FAM219A: variants seen among roughly 807,000 people sequenced by gnomAD.
The protein encoded by FAM219A is family with sequence similarity 219 member A.
FAM219A carries 7 observed loss-of-function variants against 23.4 expected under a neutral mutation model. That is an observed-to-expected ratio of 0.30 (90% confidence interval 0.17 to 0.56). FAM219A has a LOEUF of 0.56. Ranked by LOEUF, FAM219A falls within the 20% of genes least tolerant of loss-of-function variation. FAM219A has a pLI of 0.92. For synonymous variants in FAM219A, 93 were observed against 99.0 expected (o/e 0.94, Z 0.36); for missense variants, 166 against 246.9 (o/e 0.67, Z 2.20).
intron 1 of FAM219A, among the ~76,000 whole-genome samples, chr9:34,419,754 G>C (rs10972105): frequency 0.13 from 19,861 of 152,182 alleles, 1,604 homozygotes; most frequent in Non-Finnish European, 0.18. Context: ...GGCCTGCACT[G>C]GTTCATAAAT....
chr9:34,406,052 C>T (rs979603461), intron 1 of FAM219A, 88 bp from the exon 2 acceptor site: 2 of 1,314,654 alleles, frequency 1.5e-6, no homozygotes, highest in East Asian at 2.4e-5. Context: ...TTCCCACCTG[C>T]CCTCTGGGCT....
intron 1 of FAM219A, among the ~76,000 whole-genome samples, chr9:34,428,138 A>G (rs1384056736): frequency 2.0e-5 from 3 of 152,184 alleles, no homozygotes; most frequent in Non-Finnish European, 4.4e-5. Context: ...TTGGAGGGAG[A>G]TAGGAGTGGG....
chr9:34,401,963 CCTTCT>C (rs1821454295), intron 4 of FAM219A, among the ~76,000 whole-genome samples: 2 of 143,416 alleles, frequency 1.4e-5, no homozygotes, highest in African/African-American at 5.1e-5. Context: ...CCTTTCACCC[CCTTCT>C]CATCTTTTTT....
chr9:34,419,391 TAGAC>T (rs1460224656), intron 1 of FAM219A, among the ~76,000 whole-genome samples: 2 of 152,098 alleles, frequency 1.3e-5, no homozygotes, highest in Non-Finnish European at 2.9e-5. Flanking sequence ...AGGTGCCCCT[TAGAC>T]AGGGCCCAGA....
At chr9:34,449,879 C>T (rs990432712) in intron 1 of FAM219A, among the ~76,000 whole-genome samples, 2 of 152,150 alleles carry the variant, frequency 1.3e-5, no homozygotes, top group Non-Finnish European at 2.9e-5. Flanking sequence ...AATTTTTCTA[C>T]GGAGACTTTT....
In FAM219A at chr9:34,400,940, C is replaced by T. The variant is rs1007018142; in HGVS notation, c.*24G>A. ...TACCCGGCCCTTGGCGGCCCCGCCC[C>T]GGCGACCGCAGTGGCCCCGCCCGCT... On this transcript the variant is annotated 3_prime_UTR_variant, in exon 6 of 6. Coordinates refer to ENST00000651358, the MANE Select transcript of FAM219A (RefSeq NM_001184940.2). 6.0e-6 allele frequency: 9 copies of T among 1,510,250 alleles called. No homozygotes were observed. The highest frequency in any genetic ancestry group is 1.9e-4 in the Middle Eastern group (1 of 5,404). 93.6% of individuals were successfully genotyped at this position (1,510,250 alleles called of 1,614,324 possible). A position where few individuals can be genotyped will look rare whatever the true frequency, so the allele number is the denominator to read the frequency against.
intron 1 of FAM219A, among the ~76,000 whole-genome samples, chr9:34,455,700 T>G (rs575586277): frequency 6.6e-6 from 1 of 152,060 alleles, no homozygotes; most frequent in Non-Finnish European, 1.5e-5. Context: ...TAATTCTTTA[T>G]GCCCCAAAAT....
Position 34,411,185 on chromosome 9 carries a change from C to G in FAM219A, c.61-5221G>C, listed in dbSNP as rs547008557. 5.9e-5 allele frequency among the ~76,000 whole-genome samples: 9 copies of G among 152,250 alleles called. No individual in the cohort carries two copies. In the East Asian group the frequency reaches 1.7e-3, roughly 29 times the overall value. On this transcript the variant is annotated intron_variant, in intron 1 of 5. Coordinates refer to ENST00000651358, the MANE Select transcript of FAM219A (RefSeq NM_001184940.2). The stretch of plus-strand genomic sequence containing the variant: ...CTGACCACAGGGCACCCTGTTTCCT[C>G]TCTTCCCTCACTCCAGCATGATACA...
chr9:34,458,272 C>A lies in FAM219A; in HGVS notation c.-9G>T, dbSNP rs1823838026. 4 of 1,534,244 alleles carry A rather than the reference C, an allele frequency of 2.6e-6. No homozygotes were observed. Among genetic ancestry groups the A allele is most frequent in the Non-Finnish European group, 3.5e-6 (4 of 1,145,326 alleles). Reference sequence around the variant, plus strand: ...TCGATCTCCTCCATCATGGTGCCGGCGGGCGAGCGGGCCAGGGGCCGGGCG... The same window carrying A: ...TCGATCTCCTCCATCATGGTGCCGGAGGGCGAGCGGGCCAGGGGCCGGGCG... On this transcript the variant is annotated 5_prime_UTR_variant, in exon 1 of 6. Coordinates refer to ENST00000651358, the MANE Select transcript of FAM219A (RefSeq NM_001184940.2). This position sits in a 1 kb window ranked among gnomAD's most constrained non-coding sequence, Gnocchi z 6.6.
Position 34,398,479 on chromosome 9 carries a change from C to T in FAM219A, c.*2485G>A, listed in dbSNP as rs958840488. 5 of 1,139,334 alleles carry T rather than the reference C, an allele frequency of 4.4e-6. No homozygotes were observed. The highest frequency in any genetic ancestry group is 1.6e-5 in the African/African-American group (1 of 64,436). 70.6% of individuals were successfully genotyped at this position (1,139,334 alleles called of 1,614,324 possible). On this transcript the variant is annotated 3_prime_UTR_variant, in exon 6 of 6. Coordinates refer to ENST00000651358, the MANE Select transcript of FAM219A (RefSeq NM_001184940.2). Reference sequence around the variant, plus strand: ...GACAGGGAAGGAGGGAGCCACACCCCTCCCTAGACACAGAAGCTGCCACTG... The same window carrying T: ...GACAGGGAAGGAGGGAGCCACACCCTTCCCTAGACACAGAAGCTGCCACTG...
chr9:34,403,289 T>C (rs540269985), intron 2 of FAM219A, among the ~76,000 whole-genome samples: 78 of 152,340 alleles, frequency 5.1e-4, no homozygotes, highest in African/African-American at 1.8e-3. Flanking sequence ...AAAATTCATT[T>C]ATTCAGCCAC....
intron 2 of FAM219A, 39 bp downstream of exon 2, chr9:34,405,826 C>T (rs1253928808): frequency 6.3e-7 from 1 of 1,593,862 alleles, no homozygotes; most frequent in African/African-American, 1.3e-5. Context: ...AGTATCTTGC[C>T]TACTCCCCAC....
intron 1 of FAM219A, among the ~76,000 whole-genome samples, chr9:34,418,139 T>C (rs1266471065): frequency 6.7e-6 from 1 of 149,162 alleles, no homozygotes; most frequent in Non-Finnish European, 1.5e-5. Context: ...TTTTCAGAAA[T>C]AGCTACTCAG....
intron 1 of FAM219A, among the ~76,000 whole-genome samples, chr9:34,439,537 G>A (rs942618506): frequency 6.6e-6 from 1 of 152,126 alleles, no homozygotes; most frequent in Non-Finnish European, 1.5e-5. Context: ...AGTGCAATAA[G>A]GGGAAGACTA....
chr9:34,422,873 A>C (rs1822330452), intron 1 of FAM219A, among the ~76,000 whole-genome samples: 1 of 152,152 alleles, frequency 6.6e-6, no homozygotes, highest in Non-Finnish European at 1.5e-5. Context: ...TGGACATATA[A>C]AAATAATATG....
rs141877771 is a variant in FAM219A, at chr9:34,435,011, G to T, written c.60+23193C>A. Among the ~76,000 whole-genome samples the T allele has an allele frequency of 5.9e-5, 9 of 152,164 alleles. No individual in the cohort carries two copies. In the East Asian group the frequency reaches 1.7e-3, roughly 29 times the overall value. ...ACTTTTTGTATTTTTGGTGGAGATGGGGTTTCACTATGTTGGCCAGGCTGG... is the reference window on the plus strand; with the variant it reads ...ACTTTTTGTATTTTTGGTGGAGATGTGGTTTCACTATGTTGGCCAGGCTGG... On this transcript the variant is annotated intron_variant, in intron 1 of 5. Transcript: ENST00000651358.
chr9:34,447,322 G>A (rs1823408719), intron 1 of FAM219A, among the ~76,000 whole-genome samples: 1 of 152,184 alleles, frequency 6.6e-6, no homozygotes, highest in Non-Finnish European at 1.5e-5. Context: ...TATTAAATAT[G>A]ATCATGGAAG....
intron 1 of FAM219A, among the ~76,000 whole-genome samples, chr9:34,433,997 T>TCAAGA (rs1195631444): frequency 2.0e-5 from 3 of 151,854 alleles, no homozygotes; most frequent in Non-Finnish European, 4.4e-5. Context: ...GGTCAGGAGA[T>TCAAGA]CAAGACCATC....
chr9:34,411,212 T>A (rs1400635575), intron 1 of FAM219A, among the ~76,000 whole-genome samples: 1 of 152,116 alleles, frequency 6.6e-6, no homozygotes, highest in Non-Finnish European at 1.5e-5. Context: ...CATGATACAA[T>A]TCTTTCATTT....
Sources: allele counts gnomAD v4.1 joint callset (sites outside exome capture counted in the v4.1 genomes callset), GRCh38; gene constraint gnomAD v4.1.1; non-coding constraint Gnocchi (gnomAD v3.1); transcripts MANE v1.5; gene names NCBI Gene and HGNC (gene_info 2026-07-23, HGNC 2026-07-21).